Variants in MARCHF1 observed in about 807,000 individuals in gnomAD.
MARCHF1 encodes E3 ubiquitin-protein ligase MARCHF1.
A neutral mutation model predicts 54.2 loss-of-function variants in MARCHF1; 40 were observed. The ratio of observed to expected loss-of-function variants is 0.74; its 90% CI spans 0.57 to 0.96. MARCHF1 has a LOEUF of 0.96. MARCHF1 is among the 40% of genes least tolerant of loss of function. The pLI is 0.00. For synonymous variants in MARCHF1, 236 were observed against 236.3 expected (o/e 1.00, Z 0.01); for missense variants, 586 against 656.5 (o/e 0.89, Z 1.17).
At chr4:164,226,135 A>G (rs1400673675) in intron 1 of MARCHF1, among the ~76,000 whole-genome samples, 3 of 152,160 alleles carry the variant, frequency 2.0e-5, no homozygotes, top group Non-Finnish European at 4.4e-5. Flanking sequence ...TCAATCACCA[A>G]AAAGTTGATG....
intron 2 of MARCHF1, among the ~76,000 whole-genome samples, chr4:163,991,458 A>G (rs1482497840): frequency 6.6e-6 from 1 of 152,134 alleles, no homozygotes; most frequent in African/African-American, 2.4e-5. Context: ...TGCCAACTAG[A>G]AACAATCAGA....
At chr4:163,865,239 T>C (rs1750023151) in intron 3 of MARCHF1, among the ~76,000 whole-genome samples, 1 of 151,896 alleles carries the variant, frequency 6.6e-6, no homozygotes, top group South Asian at 2.1e-4. Context: ...GAGCAGCCCT[T>C]TATGAACACA....
intron 5 of MARCHF1, among the ~76,000 whole-genome samples, chr4:163,621,643 A>G (rs527773936): frequency 1.3e-5 from 2 of 152,320 alleles, no homozygotes; most frequent in East Asian, 1.9e-4. Flanking sequence ...TACAATCTAT[A>G]GAGAAAGGAG....
At chr4:164,101,175 G>C (rs547107257) in intron 2 of MARCHF1, among the ~76,000 whole-genome samples, 6 of 152,178 alleles carry the variant, frequency 3.9e-5, no homozygotes, top group South Asian at 2.1e-4. Flanking sequence ...AGGCAGCAGC[G>C]AGGCCGGGGG....
chr4:163,776,163 T>C (rs1458009633), intron 4 of MARCHF1, among the ~76,000 whole-genome samples: 1 of 152,138 alleles, frequency 6.6e-6, no homozygotes, highest in Non-Finnish European at 1.5e-5. Flanking sequence ...CAAATACCTA[T>C]AAGGTGTTAT....
At chr4:163,772,660 C>T (rs1297580707) in intron 4 of MARCHF1, among the ~76,000 whole-genome samples, 5 of 152,144 alleles carry the variant, frequency 3.3e-5, no homozygotes, top group Non-Finnish European at 4.4e-5. Flanking sequence ...TCATTGAATC[C>T]TTCTTATACT....
At chr4:163,709,809 A>G (rs1412061035) in intron 4 of MARCHF1, among the ~76,000 whole-genome samples, 2 of 152,216 alleles carry the variant, frequency 1.3e-5, no homozygotes, top group Non-Finnish European at 2.9e-5. Flanking sequence ...CTGAACTTGC[A>G]AAATGCGTAT....
chr4:163,528,751 G>T lies in MARCHF1; in HGVS notation c.1635C>A (p.Val545=), dbSNP rs150942514. 303 of 1,607,922 alleles carry T rather than the reference G, an allele frequency of 1.9e-4. No individual in the cohort carries two copies. The African/African-American group carries it at 3.8e-3, about 20-fold the overall frequency. Residue 545 remains valine, a synonymous_variant, in exon 10 of 10, where the codon GTC becomes GTA. Transcript: ENST00000514618. ...AAGAAACTCCCAACAGGTTCCATCAGACTGATACAACTTCAGGGGGGCCAC... is the reference window on the plus strand; with the variant it reads ...AAGAAACTCCCAACAGGTTCCATCATACTGATACAACTTCAGGGGGGCCAC... ...AEGGPPEVVS[V]
intron 4 of MARCHF1, among the ~76,000 whole-genome samples, chr4:163,808,822 G>A (rs1748302123): frequency 6.6e-6 from 1 of 152,132 alleles, no homozygotes; most frequent in Non-Finnish European, 1.5e-5. Context: ...ACTCACCTCG[G>A]CCTCCCAAAG....
intron 1 of MARCHF1, among the ~76,000 whole-genome samples, chr4:164,333,626 C>T (rs556148747): frequency 1.3e-5 from 2 of 152,260 alleles, no homozygotes; most frequent in South Asian, 2.1e-4. Context: ...TCCCTCTCCT[C>T]GGACTTCCCT....
intron 1 of MARCHF1, among the ~76,000 whole-genome samples, chr4:164,212,765 G>T (rs1731813387): frequency 1.3e-5 from 2 of 151,960 alleles, no homozygotes; most frequent in African/African-American, 4.8e-5. Context: ...AAGATGCTAA[G>T]AATTCTCCCA....
At chr4:164,319,135 G>A (rs1735073743) in intron 1 of MARCHF1, among the ~76,000 whole-genome samples, 1 of 152,114 alleles carries the variant, frequency 6.6e-6, no homozygotes, top group Non-Finnish European at 1.5e-5. Context: ...GAAATGGATG[G>A]TTGTGCCTGT....
At position 163,718,123 on chromosome 4, in the gene MARCHF1, C is replaced by A. The variant is rs1314229637; in HGVS notation, c.112-17260G>T. On this transcript the variant is annotated intron_variant, in intron 4 of 9. Transcript: ENST00000514618. ...TATGTAGAAAGCTGAAACTGGATCC[C>A]TTCCTTACATCTTACACAAAAAATT... is the stretch of plus-strand genomic sequence containing the variant. Among the ~76,000 whole-genome samples, 3 of 152,168 alleles carry A rather than the reference C, an allele frequency of 2.0e-5. No homozygotes were observed. The East Asian group carries it at 5.8e-4, about 29-fold the overall frequency.
rs1741370707 is a variant in MARCHF1 at position 163,612,333 on chromosome 4, A to C, written c.948T>G (p.Asn316Lys). ...KDMNDAGLQV[N>K]NPVQKPPATY... ...TGGCAGGAGGCTTCTGAACAGGGTTATTCACCTGGAGCCCTGCATCATTCA... is the reference window on the plus strand; with the variant it reads ...TGGCAGGAGGCTTCTGAACAGGGTTCTTCACCTGGAGCCCTGCATCATTCA... The change falls in exon 7 of 10, where the codon AAT becomes AAG. Residue 316 changes from asparagine to lysine, a missense_variant. Transcript: ENST00000514618. 2 of 1,534,238 alleles carry C rather than the reference A, an allele frequency of 1.3e-6. No individual in the cohort carries two copies. The highest frequency in any genetic ancestry group is 1.7e-6 in the Non-Finnish European group (2 of 1,146,040).
intron 1 of MARCHF1, among the ~76,000 whole-genome samples, chr4:164,195,466 G>T (rs191205440): frequency 6.6e-6 from 1 of 152,030 alleles, no homozygotes; most frequent in South Asian, 2.1e-4. Flanking sequence ...TATACCTCAC[G>T]TTCTCTAGGA....
intron 1 of MARCHF1, among the ~76,000 whole-genome samples, chr4:164,193,846 TAAAC>T (rs1403678224): frequency 6.6e-6 from 1 of 152,184 alleles, no homozygotes; most frequent in Non-Finnish European, 1.5e-5. Flanking sequence ...ACTCTTGTAA[TAAAC>T]AAGCTGTCTC....
rs751200150 is a variant in MARCHF1, at chr4:164,197,084, A to T, written c.-322-85422T>A. ...TCGCCATCTACCTCTCCATCGTTAT[A>T]ACCTTCTTCATCCTCCTCGTCCCCT... On this transcript the variant is annotated intron_variant, in intron 1 of 9. Transcript: ENST00000514618. The T allele has an allele frequency of 2.5e-6, 4 of 1,606,290 alleles. No homozygotes were observed. In the Admixed American group the frequency reaches 6.7e-5, roughly 27 times the overall value.
intron 8 of MARCHF1, among the ~76,000 whole-genome samples, chr4:163,550,296 AAAAAGAAAAG>A (rs1392350612): frequency 1.3e-5 from 2 of 148,428 alleles, no homozygotes; most frequent in African/African-American, 2.5e-5. Context: ...AAAAAAAAAA[AAAAAGAAAAG>A]AAAAGAAAAG....
chr4:164,241,910 C>T (rs566921070), intron 1 of MARCHF1, among the ~76,000 whole-genome samples: 27 of 152,344 alleles, frequency 1.8e-4, no homozygotes, highest in Admixed American at 1.3e-4. Context: ...GAATACTGCG[C>T]TTTTCCAACG....
Sources: gnomAD v4.1 joint callset for allele counts (sites outside exome capture counted in the v4.1 genomes callset) on GRCh38, gnomAD v4.1.1 for gene constraint, MANE v1.5 for transcripts, NCBI Gene and HGNC (gene_info 2026-07-23, HGNC 2026-07-21) for gene names.